The following FHAD1 variants were observed in gnomAD, a reference collection of about 807,000 sequenced individuals.
FHAD1 encodes forkhead-associated domain-containing protein 1.
FHAD1 carries 146 observed loss-of-function variants against 191.3 expected under a neutral mutation model. That is an observed-to-expected ratio of 0.76 (90% CI 0.67 to 0.88). The LOEUF is 0.88. FHAD1 is among the 40% of genes least tolerant of loss of function. The pLI is 0.00. For missense variants in FHAD1, 1,635 were observed against 1,785.8 expected, an observed-to-expected ratio of 0.92 and a Z score of 1.52; for synonymous variants, 616 against 672.3, an observed-to-expected ratio of 0.92 and a Z score of 1.29.
At chr1:15,377,102 C>T (rs1390847046) in intron 28 of FHAD1, among the ~76,000 whole-genome samples, 4 of 152,292 alleles carry the variant, frequency 2.6e-5, no homozygotes, top group African/African-American at 7.2e-5. Context: ...TTGATGGACA[C>T]GTGACAGGTC....
At chr1:15,366,113 C>T (rs1696356542) in intron 24 of FHAD1, among the ~76,000 whole-genome samples, 180 bp downstream of exon 24, 1 of 151,830 alleles carries the variant, frequency 6.6e-6, no homozygotes, top group Non-Finnish European at 1.5e-5. Flanking sequence ...TGGTGAAAAC[C>T]CACCTCTACT....
At chr1:15,368,063 C>T (rs1175865286) in intron 25 of FHAD1, among the ~76,000 whole-genome samples, 1 of 152,182 alleles carries the variant, frequency 6.6e-6, no homozygotes, top group African/African-American at 2.4e-5. Flanking sequence ...CCTCTGCCTC[C>T]CGGGTTCAAG....
intron 14 of FHAD1, chr1:15,334,535 T>C (rs920790216): frequency 1.3e-5 from 2 of 152,244 alleles, no homozygotes; most frequent in African/African-American, 4.8e-5. Context: ...ACTAGCTGTG[T>C]GGGCAGTTAC....
chr1:15,241,246 G>A (rs1645332587), intron 1 of FHAD1, among the ~76,000 whole-genome samples: 1 of 152,204 alleles, frequency 6.6e-6, no homozygotes, highest in Non-Finnish European at 1.5e-5. Flanking sequence ...ACAGCTACTT[G>A]AAGAGACATG....
At chr1:15,279,574 A>G (rs1045077401) in intron 3 of FHAD1, among the ~76,000 whole-genome samples, 3 of 149,910 alleles carry the variant, frequency 2.0e-5, no homozygotes, top group Non-Finnish European at 4.4e-5. Context: ...AAAAAAAAAA[A>G]GGAATCTCTT....
In FHAD1 at chr1:15,274,466, G is replaced by A. The variant is rs1657480475; in HGVS notation, c.300+1937G>A. 2.6e-5 allele frequency among the ~76,000 whole-genome samples: 4 copies of A among 151,974 alleles called. No individual in the cohort carries two copies. In the South Asian group the frequency reaches 8.3e-4, roughly 32 times the overall value. ...CTACTGAAATACAAAAAAAAAATTA[G>A]CTGGGCATGGTGGCGGGCGCCTGTA... On this transcript the variant is annotated intron_variant, in intron 3 of 33. Coordinates refer to ENST00000688493, the MANE Select transcript of FHAD1 (RefSeq NM_001391957.1).
chr1:15,280,583 G>A (rs533859472), intron 3 of FHAD1, among the ~76,000 whole-genome samples: 7 of 152,156 alleles, frequency 4.6e-5, no homozygotes, highest in South Asian at 2.1e-4. Context: ...CGGACGACCC[G>A]GCCCAAAACC....
rs894026757 is a variant in FHAD1, at chr1:15,272,538, G to A, written c.300+9G>A. ...TTGAAAATCCACCTCCGGTGAGTCCGGGCCACTGGGGGATAGAGGGGCCAT... is the reference window on the plus strand; with the variant it reads ...TTGAAAATCCACCTCCGGTGAGTCCAGGCCACTGGGGGATAGAGGGGCCAT... On this transcript the variant is annotated intron_variant, in intron 3 of 33. Transcript: ENST00000688493. 17 of 1,537,858 alleles carry A rather than the reference G, an allele frequency of 1.1e-5. No individual in the cohort carries two copies. Among genetic ancestry groups the A allele is most frequent in the East Asian group, 4.9e-5 (2 of 40,536 alleles).
chr1:15,333,348 GGAA>G, intron 14 of FHAD1, among the ~76,000 whole-genome samples: 1 of 152,184 alleles, frequency 6.6e-6, no homozygotes, highest in Non-Finnish European at 1.5e-5. Flanking sequence ...GGAGGAGGAG[GGAA>G]GAGGAGGAAG....
At chr1:15,359,146 G>T (rs935183323) in intron 21 of FHAD1, among the ~76,000 whole-genome samples, 2 of 152,106 alleles carry the variant, frequency 1.3e-5, no homozygotes, top group Non-Finnish European at 2.9e-5. Flanking sequence ...ATGGTGGGGG[G>T]TTCTCTTGGA....
intron 26 of FHAD1, among the ~76,000 whole-genome samples, chr1:15,370,559 T>G (rs1353739865): frequency 6.6e-6 from 1 of 152,208 alleles, no homozygotes; most frequent in African/African-American, 2.4e-5. Flanking sequence ...CAAACTGCCT[T>G]CCCGAAGAGC....
At chr1:15,376,306 G>A (rs1206775321) in intron 28 of FHAD1, among the ~76,000 whole-genome samples, 1 of 152,020 alleles carries the variant, frequency 6.6e-6, no homozygotes, top group Non-Finnish European at 1.5e-5. Context: ...TAGCCAGGAT[G>A]GTCTTGATCT....
chr1:15,323,090 A>C (rs1676919701), intron 10 of FHAD1, among the ~76,000 whole-genome samples: 1 of 152,212 alleles, frequency 6.6e-6, no homozygotes, highest in South Asian at 2.1e-4. Flanking sequence ...CCCATGATTC[A>C]GTTACCTCCC....
At chr1:15,400,012 G>T (rs963539767), downstream of FHAD1, 5 of 152,302 alleles carry the variant, frequency 3.3e-5, no homozygotes, top group African/African-American at 1.2e-4. Flanking sequence ...AGCTCCTGTG[G>T]AGGGCTTCCC....
At chr1:15,355,720 A>G (rs530370173) in intron 20 of FHAD1, among the ~76,000 whole-genome samples, 72 of 152,324 alleles carry the variant, frequency 4.7e-4, no homozygotes, top group South Asian at 1.9e-3. Context: ...CCAGGTCTGC[A>G]TGAGGTCCTC....
chr1:15,253,031 C>T (rs1472482108), intron 2 of FHAD1, among the ~76,000 whole-genome samples: 4 of 152,242 alleles, frequency 2.6e-5, no homozygotes, highest in African/African-American at 9.6e-5. Context: ...TAGAGATTCA[C>T]AGGAAGTTCC....
At chr1:15,265,305 C>T (rs1422532811) in intron 2 of FHAD1, among the ~76,000 whole-genome samples, 1 of 152,192 alleles carries the variant, frequency 6.6e-6, no homozygotes, top group Admixed American at 6.5e-5. Context: ...GCCCAGTTCA[C>T]AGGAACTTCT....
At chr1:15,389,485 G>C (rs1365438111) in intron 32 of FHAD1, among the ~76,000 whole-genome samples, 1 of 118,618 alleles carries the variant, frequency 8.4e-6, no homozygotes, top group Non-Finnish European at 1.8e-5. Flanking sequence ...GGAAGAGAAA[G>C]GAGGGAAGAG....
At chr1:15,280,804 G>T (rs1417733103) in intron 3 of FHAD1, among the ~76,000 whole-genome samples, 1 of 152,152 alleles carries the variant, frequency 6.6e-6, no homozygotes, top group Non-Finnish European at 1.5e-5. Flanking sequence ...CCATTTTATG[G>T]ACTGACCAGG....
Sources: gnomAD v4.1 joint callset for allele counts (sites outside exome capture counted in the v4.1 genomes callset) on GRCh38, gnomAD v4.1.1 for gene constraint, MANE v1.5 for transcripts, NCBI Gene and HGNC (gene_info 2026-07-23, HGNC 2026-07-21) for gene names.